Variants in DYRK3 observed in about 807,000 individuals in gnomAD.
DYRK3 encodes dual specificity tyrosine-phosphorylation-regulated kinase 3.
A neutral mutation model predicts 40.8 loss-of-function variants in DYRK3; 30 were observed. The ratio of observed to expected loss-of-function variants is 0.74; its 90% CI spans 0.55 to 1.00. DYRK3 has a LOEUF of 1.00. Among genes scored for constraint, DYRK3 ranks in the 50% least tolerant of loss-of-function variants. DYRK3 has a pLI of 0.00. For synonymous variants in DYRK3, 272 were observed against 260.7 expected (o/e 1.04, Z -0.42); for missense variants, 699 against 731.5 (o/e 0.96, Z 0.51).
At chr1:206,640,786 G>A (rs960225728) in intron 2 of DYRK3, among the ~76,000 whole-genome samples, 5 of 152,006 alleles carry the variant, frequency 3.3e-5, no homozygotes, top group Admixed American at 6.6e-5. Context: ...TCTTGACCTC[G>A]TGATCCGCCC....
rs924219377 is a variant in DYRK3 at position 206,654,107 on chromosome 1, A to G, written c.*5142A>G. Among the ~76,000 whole-genome samples, 17 of 152,226 alleles carry G rather than the reference A, an allele frequency of 1.1e-4. No individual in the cohort carries two copies. Among genetic ancestry groups the G allele is most frequent in the African/African-American group, 4.1e-4 (17 of 41,446 alleles). On this transcript the variant is annotated 3_prime_UTR_variant, in exon 3 of 3. Coordinates refer to ENST00000367109, the MANE Select transcript of DYRK3 (RefSeq NM_003582.4). ...TGATAAATGGTTCTAAGCTTTCCTG[A>G]CAGAATACTCCTACTACTTTGGTGA...
chr1:206,636,743 T>G (rs532620186), intron 1 of DYRK3: 75 of 501,116 alleles, frequency 1.5e-4, no homozygotes, highest in African/African-American at 1.4e-3. Flanking sequence ...TAGTGTATCA[T>G]GTAAAATGAT....
Position 206,648,786 on chromosome 1 carries a change from C to T in DYRK3, c.1588C>T (p.Leu530Phe), listed in dbSNP as rs1553420861. Residue 530 changes from leucine (L) to phenylalanine (F), a missense_variant, in exon 3 of 3, where the codon CTC becomes TTC. Transcript: ENST00000367109. ...GATTAGCAAGTCTGTCCCCAGACCT[C>T]TCACCACCATAGACAAGGTGTCAGG... ...PWISKSVPRP[L>F]TTIDKVSGKR... 1.9e-6 allele frequency: 3 copies of T among 1,614,208 alleles called. No homozygotes were observed. The highest frequency in any genetic ancestry group is 1.7e-6 in the Non-Finnish European group (2 of 1,180,034).
At position 206,654,147 on chromosome 1, in the gene DYRK3, T is replaced by C. The variant is rs1423305002; in HGVS notation, c.*5182T>C. On this transcript the variant is annotated 3_prime_UTR_variant, in exon 3 of 3. Coordinates refer to ENST00000367109, the MANE Select transcript of DYRK3 (RefSeq NM_003582.4). Reference sequence around the variant, plus strand: ...TACTTTGGTGAATCATGGAAAACTCTTTCTCCTTTATTTTTAATTATTTCT... The same window carrying C: ...TACTTTGGTGAATCATGGAAAACTCCTTCTCCTTTATTTTTAATTATTTCT... Among the ~76,000 whole-genome samples the C allele has an allele frequency of 6.6e-6, 1 of 152,242 alleles. No individual in the cohort carries two copies. The highest frequency in any genetic ancestry group is 1.9e-4 in the East Asian group (1 of 5,204).
chr1:206,646,496 A>AT (rs1202187036), intron 2 of DYRK3, among the ~76,000 whole-genome samples: 102 of 152,274 alleles, frequency 6.7e-4, no homozygotes, highest in Non-Finnish European at 7.4e-4. Flanking sequence ...GAAGAGTTTT[A>AT]TAAGTACCCC....
Position 206,652,088 on chromosome 1 carries a change from G to A in DYRK3, c.*3123G>A, listed in dbSNP as rs1671646243. ...CTGCTGCTAAAGCCATGTGTGGGGT[G>A]GCGAGCACATCTTTAGGTGGCAGCA... On this transcript the variant is annotated 3_prime_UTR_variant, in exon 3 of 3. Coordinates refer to ENST00000367109, the MANE Select transcript of DYRK3 (RefSeq NM_003582.4). Among the ~76,000 whole-genome samples the A allele has an allele frequency of 6.6e-6, 1 of 152,164 alleles. No individual in the cohort carries two copies. Among genetic ancestry groups the A allele is most frequent in the South Asian group, 2.1e-4 (1 of 4,836 alleles).
chr1:206,654,568 C>G lies in DYRK3; in HGVS notation c.*5603C>G, dbSNP rs570288786. On this transcript the variant is annotated 3_prime_UTR_variant, in exon 3 of 3. Transcript: ENST00000367109. ...CACCTTCAACCTATCCTTCCTGAAG[C>G]CCAAACTTTTAAAGAATTTACTTCC... is the stretch of plus-strand genomic sequence containing the variant. Among the ~76,000 whole-genome samples the G allele has an allele frequency of 3.3e-5, 5 of 152,322 alleles. No homozygotes were observed. Among genetic ancestry groups the G allele is most frequent in the African/African-American group, 1.2e-4 (5 of 41,574 alleles).
chr1:206,637,031 A>G lies in DYRK3; in HGVS notation c.78-619A>G. The G allele has an allele frequency of 2.4e-6, 3 of 1,266,124 alleles. No individual in the cohort carries two copies. In the South Asian group the frequency reaches 3.6e-5, roughly 15 times the overall value. The allele number at this position is 1,266,124 out of a possible 1,614,324, so 78.4% of individuals were successfully genotyped here. ...TAGCGTTTGCTGTAGTACTTACTGTATTTTTCTGCAGGTTAGGTAGATGTA... is the reference window on the plus strand; with the variant it reads ...TAGCGTTTGCTGTAGTACTTACTGTGTTTTTCTGCAGGTTAGGTAGATGTA... On this transcript the variant is annotated intron_variant, in intron 1 of 2. Transcript: ENST00000367109.
In DYRK3 at chr1:206,647,774, T is replaced by C. The variant is rs1553420391; in HGVS notation, c.576T>C (p.Asp192=). The part of the protein sequence containing the change: ...IGGPNNGGYD[D]ADGAYIHVPR... ...GTCCCAATAATGGAGGGTATGATGA[T>C]GCAGATGGGGCCTATATTCATGTAC... Residue 192 remains aspartate (D), a synonymous_variant, in exon 3 of 3, where the codon GAT becomes GAC. Coordinates refer to ENST00000367109, the MANE Select transcript of DYRK3 (RefSeq NM_003582.4). The C allele has an allele frequency of 6.2e-7, 1 of 1,614,154 alleles. No individual in the cohort carries two copies. Among genetic ancestry groups the C allele is most frequent in the East Asian group, 2.2e-5 (1 of 44,880 alleles).
intron 2 of DYRK3, among the ~76,000 whole-genome samples, chr1:206,640,123 A>G (rs1553419112): frequency 6.6e-6 from 1 of 151,650 alleles, no homozygotes. Context: ...TTTAGTAGAG[A>G]TGGGGTTTCA....
Sources: gnomAD v4.1 joint callset for allele counts (sites outside exome capture counted in the v4.1 genomes callset) on GRCh38, gnomAD v4.1.1 for gene constraint, MANE v1.5 for transcripts, NCBI Gene and HGNC (gene_info 2026-07-23, HGNC 2026-07-21) for gene names.